The following UHRF2 variants were observed in gnomAD, a reference collection of about 807,000 sequenced individuals.
UHRF2 encodes ubiquitin like with PHD and ring finger domains 2.
UHRF2 carries 23 observed loss-of-function variants against 96.8 expected under a neutral mutation model. The ratio of observed to expected loss-of-function variants is 0.24; its 90% confidence interval spans 0.17 to 0.34. The LOEUF (loss-of-function observed/expected upper bound fraction) is 0.34. Among genes scored for constraint, UHRF2 ranks in the 10% least tolerant of loss-of-function variants. UHRF2 has a pLI of 1.00. For missense variants in UHRF2, 685 were observed against 981.5 expected (o/e 0.70, Z 4.04); for synonymous variants, 385 against 332.6 (o/e 1.16, Z -1.72).
At chr9:6,462,607 A>G (rs1390136933) in intron 4 of UHRF2, among the ~76,000 whole-genome samples, 3 of 152,184 alleles carry the variant, frequency 2.0e-5, no homozygotes, top group Non-Finnish European at 4.4e-5. Context: ...CATTGAGCTA[A>G]AAAAGCTTGC....
rs865966662 is a variant in UHRF2, at chr9:6,500,672, T to G, written c.2126T>G (p.Leu709Arg). 6.2e-7 allele frequency: 1 copy of G among 1,613,510 alleles called. No individual in the cohort carries two copies. Among genetic ancestry groups the G allele is most frequent in the Non-Finnish European group, 8.5e-7 (1 of 1,179,788 alleles). Residue 709 changes from leucine (L) to arginine (R), a missense_variant, in exon 14 of 16, where the codon CTG (leucine) becomes CGG (arginine). This residue lies in a region of UHRF2 where 71 missense variants were observed against 114.1 expected (regional missense o/e 0.62). Coordinates refer to ENST00000276893, the MANE Select transcript of UHRF2 (RefSeq NM_152896.3). Reference sequence around the variant, plus strand: ...AGAGAAGATTGTCAAAACCAGAAGCTGTGGGATGAAGTGCTTTCACATCTT... The same window carrying G: ...AGAGAAGATTGTCAAAACCAGAAGCGGTGGGATGAAGTGCTTTCACATCTT... ...LIREDCQNQKLWDEVLSHLVE... is the reference protein window; with the variant it reads ...LIREDCQNQKRWDEVLSHLVE...
chr9:6,488,993 A>G (rs955190880), intron 9 of UHRF2, among the ~76,000 whole-genome samples: 1 of 151,890 alleles, frequency 6.6e-6, no homozygotes, highest in South Asian at 2.1e-4. Flanking sequence ...TATTTTTAGT[A>G]TAGGTGGGGT....
intron 4 of UHRF2, among the ~76,000 whole-genome samples, chr9:6,467,298 T>C (rs1223788965): frequency 1.3e-5 from 2 of 152,216 alleles, no homozygotes; most frequent in African/African-American, 4.8e-5. Context: ...TGTGGCTACA[T>C]CCCCTTCATA....
intron 3 of UHRF2, among the ~76,000 whole-genome samples, chr9:6,457,627 G>A (rs1353319990): frequency 3.9e-5 from 6 of 152,166 alleles, no homozygotes; most frequent in Non-Finnish European, 7.3e-5. Context: ...CATTCAGTAT[G>A]ATATTGGCTA....
intron 3 of UHRF2, among the ~76,000 whole-genome samples, chr9:6,436,848 C>T (rs1023669246): frequency 2.6e-5 from 4 of 152,084 alleles, no homozygotes; most frequent in African/African-American, 9.7e-5. Context: ...ATTACCTGCC[C>T]TAAATAATTT....
At chr9:6,454,029 TTTACCCCCA>T (rs1323949439) in intron 3 of UHRF2, among the ~76,000 whole-genome samples, 2 of 88,870 alleles carry the variant, frequency 2.3e-5, no homozygotes, top group Non-Finnish European at 4.6e-5. Context: ...TGACATTTAC[TTTACCCCCA>T]TTATGTACTG....
chr9:6,440,910 C>T (rs891217996), intron 3 of UHRF2, among the ~76,000 whole-genome samples: 2 of 152,124 alleles, frequency 1.3e-5, no homozygotes, highest in African/African-American at 4.8e-5. Context: ...TTGATGTCTT[C>T]AAAAGTTGTA....
intron 3 of UHRF2, among the ~76,000 whole-genome samples, chr9:6,453,929 G>C (rs1036878480): frequency 1.3e-5 from 2 of 152,066 alleles, no homozygotes; most frequent in African/African-American, 4.8e-5. Context: ...AGTAGGGATT[G>C]AAATGGAGAA....
intron 14 of UHRF2, among the ~76,000 whole-genome samples, chr9:6,502,980 T>G (rs1381071173): frequency 6.6e-6 from 1 of 152,164 alleles, no homozygotes; most frequent in Non-Finnish European, 1.5e-5. Context: ...AATTTGAAAC[T>G]TGTAAGGTTT....
intron 4 of UHRF2, among the ~76,000 whole-genome samples, chr9:6,462,273 A>T (rs993568514): frequency 2.8e-5 from 4 of 141,428 alleles, no homozygotes; most frequent in African/African-American, 1.1e-4. Flanking sequence ...CAAAGCCAAA[A>T]CTACTTACTT....
At chr9:6,440,068 T>C (rs1341050204) in intron 3 of UHRF2, among the ~76,000 whole-genome samples, 2 of 152,216 alleles carry the variant, frequency 1.3e-5, no homozygotes, top group African/African-American at 2.4e-5. Flanking sequence ...AGTTAAGATA[T>C]TAAAAGTTAA....
chr9:6,487,192 T>TTATTTTTA (rs1563799290), intron 9 of UHRF2, among the ~76,000 whole-genome samples: 8 of 129,920 alleles, frequency 6.2e-5, no homozygotes, highest in African/African-American at 2.4e-4. Flanking sequence ...CTTTTTTTTT[T>TTATTTTTA]TTTTTTTTTT....
intron 3 of UHRF2, among the ~76,000 whole-genome samples, chr9:6,439,679 C>T (rs1282400724): frequency 6.6e-6 from 1 of 152,138 alleles, no homozygotes; most frequent in African/African-American, 2.4e-5. Flanking sequence ...TCAGGGAGAA[C>T]TTTGACAGCA....
chr9:6,417,929 A>G (rs1475017598), intron 1 of UHRF2, among the ~76,000 whole-genome samples: 1 of 152,216 alleles, frequency 6.6e-6, no homozygotes, highest in Non-Finnish European at 1.5e-5. Context: ...CCTCAAACCT[A>G]AGTGGAAAAA....
At chr9:6,505,985 A>G (rs1041303844) in intron 15 of UHRF2, 48 bp from the exon 16 acceptor site, 3 of 1,605,346 alleles carry the variant, frequency 1.9e-6, no homozygotes, top group Middle Eastern at 3.3e-4. Context: ...CTGAGTACTT[A>G]CATGCTTTAT....
rs773269837 is a variant in UHRF2 at position 6,478,535 on chromosome 9, G to A, written c.1160+727G>A. Among the ~76,000 whole-genome samples the A allele has an allele frequency of 2.6e-5, 4 of 152,346 alleles. No individual in the cohort carries two copies. In the South Asian group the frequency reaches 6.2e-4, roughly 24 times the overall value. On this transcript the variant is annotated intron_variant, in intron 6 of 15. Coordinates refer to ENST00000276893, the MANE Select transcript of UHRF2 (RefSeq NM_152896.3). Reference sequence around the variant, plus strand: ...CCAAAATCTATTTTTCTCCTATGGCGTGGTGATAACTACAAAAAGAAGTTA... The same window carrying A: ...CCAAAATCTATTTTTCTCCTATGGCATGGTGATAACTACAAAAAGAAGTTA...
At chr9:6,431,725 A>T (rs1563750503) in intron 2 of UHRF2, among the ~76,000 whole-genome samples, 1 of 152,144 alleles carries the variant, frequency 6.6e-6, no homozygotes, top group Admixed American at 6.5e-5. Context: ...TGTTAACTTT[A>T]GTTTATTGTT....
intron 3 of UHRF2, among the ~76,000 whole-genome samples, chr9:6,453,664 A>G (rs759987893): frequency 6.6e-6 from 1 of 152,158 alleles, no homozygotes; most frequent in African/African-American, 2.4e-5. Flanking sequence ...AAAAAATGGG[A>G]TTGGCCAAGG....
At chr9:6,467,569 G>A (rs929326531) in intron 4 of UHRF2, among the ~76,000 whole-genome samples, 2 of 146,244 alleles carry the variant, frequency 1.4e-5, no homozygotes, top group African/African-American at 2.6e-5. Context: ...TTTTCAGTAC[G>A]GTATTTCATA....
Sources: allele counts gnomAD v4.1 joint callset (sites outside exome capture counted in the v4.1 genomes callset), GRCh38; gene constraint gnomAD v4.1.1; regional missense constraint gnomAD v4.1.1; transcripts MANE v1.5; gene names NCBI Gene and HGNC (gene_info 2026-07-23, HGNC 2026-07-21).